The following PIEZO2 variants were observed in gnomAD, a reference collection of about 807,000 sequenced individuals.
The protein encoded by PIEZO2 is piezo-type mechanosensitive ion channel component 2.
PIEZO2 carries 172 observed loss-of-function variants against 337.3 expected under a neutral mutation model. That is an observed-to-expected ratio of 0.51 (90% CI 0.45 to 0.58). The LOEUF (loss-of-function observed/expected upper bound fraction) is 0.58, where lower values mean the gene tolerates loss of function less well. Ranked by LOEUF, PIEZO2 falls within the 20% of genes least tolerant of loss-of-function variation. PIEZO2 has a pLI of 0.00. For missense variants in PIEZO2, 3,028 were observed against 3,391.3 expected (o/e 0.89, Z 2.66); for synonymous variants, 1,251 against 1,228.5 (o/e 1.02, Z -0.38).
chr18:11,109,553 T>C lies in PIEZO2; in HGVS notation c.64+38972A>G, dbSNP rs773644934. Among the ~76,000 whole-genome samples, 1 of 151,996 alleles carries C rather than the reference T, an allele frequency of 6.6e-6. No homozygotes were observed. Among genetic ancestry groups the C allele is most frequent in the African/African-American group, 2.4e-5 (1 of 41,368 alleles). ...CAAGATGGCGAAACCCCGTCTCTACTGAAAATACAAAAAAATTAGCCGGGC... is the reference window on the plus strand; with the variant it reads ...CAAGATGGCGAAACCCCGTCTCTACCGAAAATACAAAAAAATTAGCCGGGC... On this transcript the variant is annotated intron_variant, in intron 1 of 55. Coordinates refer to ENST00000674853, the MANE Select transcript of PIEZO2 (RefSeq NM_001378183.1). This position sits in a 1 kb window ranked among gnomAD's most constrained non-coding sequence, Gnocchi z 5.1.
At chr18:10,736,069 G>A (rs76147452) in intron 34 of PIEZO2, among the ~76,000 whole-genome samples, 192 of 152,242 alleles carry the variant, frequency 1.3e-3, no homozygotes, top group Non-Finnish European at 2.4e-3. Context: ...AAACAGAAAG[G>A]TAGCTAAGCT....
intron 4 of PIEZO2, among the ~76,000 whole-genome samples, chr18:10,886,390 A>ACACACACATATATATGTGTGTGTGTGTG (rs2042597176): frequency 3.7e-5 from 2 of 53,700 alleles, no homozygotes; most frequent in African/African-American, 1.4e-4. Context: ...GTATATATAT[A>ACACACACATATATATGTGTGTGTGTGTG]TATATATATA....
At chr18:11,115,031 T>C (rs1234405022) in intron 1 of PIEZO2, among the ~76,000 whole-genome samples, 1 of 152,252 alleles carries the variant, frequency 6.6e-6, no homozygotes, top group Non-Finnish European at 1.5e-5. Flanking sequence ...CCTCTTCTTT[T>C]ATCCTGTCTC....
chr18:11,045,006 C>T (rs1371990872), intron 2 of PIEZO2, among the ~76,000 whole-genome samples: 2 of 151,756 alleles, frequency 1.3e-5, no homozygotes, highest in African/African-American at 4.8e-5. Context: ...TAAAAGAAAA[C>T]TTACTGGGGC....
intron 1 of PIEZO2, among the ~76,000 whole-genome samples, chr18:11,079,778 T>A (rs569743943): frequency 1.3e-5 from 2 of 152,226 alleles, no homozygotes; most frequent in Admixed American, 1.3e-4. Context: ...CCTCATAACC[T>A]TAAAGAAAAG....
In PIEZO2 at chr18:10,741,109, T is replaced by G; in HGVS notation, c.4637-7A>C. On this transcript the variant is annotated splice_polypyrimidine_tract_variant and splice_region_variant and intron_variant, in intron 32 of 55. Coordinates refer to ENST00000674853, the MANE Select transcript of PIEZO2 (RefSeq NM_001378183.1). ...TTCTGTTTGTCTGCTTCTCCTAAAA[T>G]AAAATACGTCCACATATTAATTCGT... is the stretch of plus-strand genomic sequence containing the variant. 6.5e-7 allele frequency: 1 copy of G among 1,533,656 alleles called. No individual in the cohort carries two copies. Among genetic ancestry groups the G allele is most frequent in the Non-Finnish European group, 8.7e-7 (1 of 1,145,430 alleles).
At chr18:10,908,041 G>T (rs775679384) in intron 4 of PIEZO2, among the ~76,000 whole-genome samples, 2 of 152,214 alleles carry the variant, frequency 1.3e-5, no homozygotes, top group African/African-American at 2.4e-5. Flanking sequence ...ATGTGATTGT[G>T]TGAAGGTGTA....
rs752802819 is a variant in PIEZO2 at position 10,702,143 on chromosome 18, T to G, written c.6287A>C (p.Gln2096Pro). The G allele has an allele frequency of 2.6e-6, 4 of 1,536,476 alleles. No homozygotes were observed. The African/African-American group carries it at 5.5e-5, about 21-fold the overall frequency. ...EVAIVVKYFFQFGFFPWNKNV... is the reference protein window; with the variant it reads ...EVAIVVKYFFPFGFFPWNKNV... Reference sequence around the variant, plus strand: ...CTTATTCCAGGGAAAGAACCCAAATTGGAAGAAATACTTGACTACAATTGC... The same window carrying G: ...CTTATTCCAGGGAAAGAACCCAAATGGGAAGAAATACTTGACTACAATTGC... Residue 2096 changes from glutamine to proline, a missense_variant, in exon 43 of 56, where the codon CAA becomes CCA. This residue lies in a region of PIEZO2 where 1,925 missense variants were observed against 2,051.9 expected (regional missense o/e 0.94). Transcript: ENST00000674853.
chr18:10,740,318 T>C (rs555363610), intron 33 of PIEZO2: 4 of 152,492 alleles, frequency 2.6e-5, no homozygotes, highest in South Asian at 4.1e-4. Flanking sequence ...TATCAGGATC[T>C]GCTTTTAAAA....
Position 11,131,458 on chromosome 18 carries a change from G to A in PIEZO2, c.64+17067C>T, listed in dbSNP as rs1042913893. Among the ~76,000 whole-genome samples, 2 of 152,188 alleles carry A rather than the reference G, an allele frequency of 1.3e-5. No individual in the cohort carries two copies. The highest frequency in any genetic ancestry group is 2.9e-5 in the Non-Finnish European group (2 of 68,040). ...AGAGAAGACTAGGGCCTGGTTCACA[G>A]ATAGTTCTGCACGATATGTAGGCAC... On this transcript the variant is annotated intron_variant, in intron 1 of 55. Coordinates refer to ENST00000674853, the MANE Select transcript of PIEZO2 (RefSeq NM_001378183.1). The surrounding 1 kb of genome is among the most constrained non-coding windows in gnomAD (Gnocchi z 5.3).
In PIEZO2 at chr18:11,127,803, A is replaced by ATGTGTGTGTGTGTG. The variant is rs34849868; in HGVS notation, c.64+20708_64+20721dup. ...TGCATATACGTGTGTGTGTGTGTGC[A>ATGTGTGTGTGTGTG]TGTGTGTGTGTGTGTGTGTGTGTAT... On this transcript the variant is annotated intron_variant, in intron 1 of 55. Coordinates refer to ENST00000674853, the MANE Select transcript of PIEZO2 (RefSeq NM_001378183.1). This position sits in a 1 kb window ranked among gnomAD's most constrained non-coding sequence, Gnocchi z 4.5. Among the ~76,000 whole-genome samples, 195 of 146,828 alleles carry ATGTGTGTGTGTGTG rather than the reference A, an allele frequency of 1.3e-3. No individual in the cohort carries two copies. The highest frequency in any genetic ancestry group is 1.7e-3 in the Non-Finnish European group (114 of 67,040).
chr18:10,887,469 C>G (rs2042640890), intron 4 of PIEZO2, among the ~76,000 whole-genome samples: 1 of 152,100 alleles, frequency 6.6e-6, no homozygotes, highest in Admixed American at 6.5e-5. Flanking sequence ...ACACCTCCCA[C>G]CAGGCTCCAC....
chr18:10,816,669 G>GA (rs36064839), intron 7 of PIEZO2, among the ~76,000 whole-genome samples: 2 of 151,384 alleles, frequency 1.3e-5, no homozygotes, highest in Non-Finnish European at 2.9e-5. Context: ...TACCCAAAAG[G>GA]AAAAAAAATT....
chr18:10,823,424 T>A (rs919336575), intron 7 of PIEZO2, among the ~76,000 whole-genome samples: 1 of 151,996 alleles, frequency 6.6e-6, no homozygotes, highest in African/African-American at 2.4e-5. Flanking sequence ...AAAGAATCAC[T>A]ACATATAGCC....
At chr18:11,041,056 A>G (rs1366889429) in intron 2 of PIEZO2, among the ~76,000 whole-genome samples, 1 of 152,162 alleles carries the variant, frequency 6.6e-6, no homozygotes, top group Non-Finnish European at 1.5e-5. Context: ...CAGGCACACA[A>G]CCTGGAAAGT....
At chr18:10,741,211 A>T (rs912815575) in intron 32 of PIEZO2, 109 bp from the exon 33 acceptor site, 1 of 930,944 alleles carries the variant, frequency 1.1e-6, no homozygotes, top group Non-Finnish European at 1.6e-6. Context: ...GCAAAAGTAT[A>T]TCAGAGGTCA....
chr18:10,736,634 ATCTTCCTTCTTTAATTCTTCC>A lies in PIEZO2; in HGVS notation c.4764_4784del (p.Glu1588_Glu1594del). The stretch of plus-strand genomic sequence containing the variant: ...ATGCTGACCTTCGTGGAGGTTCTTC[ATCTTCCTTCTTTAATTCTTCC>A]TCTTCCTCCTCTTCACTATCCGTTT... On this transcript the variant is annotated inframe_deletion, in exon 34 of 56. Coordinates refer to ENST00000674853, the MANE Select transcript of PIEZO2 (RefSeq NM_001378183.1). 1 of 1,537,146 alleles carries A rather than the reference ATCTTCCTTCTTTAATTCTTCC, an allele frequency of 6.5e-7. No homozygotes were observed.
Position 11,038,834 on chromosome 18 carries a change from T to TA in PIEZO2, c.160+27292dup, listed in dbSNP as rs2037014277. Among the ~76,000 whole-genome samples the TA allele has an allele frequency of 6.6e-6, 1 of 152,142 alleles. No homozygotes were observed. Among genetic ancestry groups the TA allele is most frequent in the African/African-American group, 2.4e-5 (1 of 41,424 alleles). ...CACAAATTAGATAACATATGAAACT[T>TA]AAAAAATCTATAAAGGGCTATGCTT... On this transcript the variant is annotated intron_variant, in intron 2 of 55. Coordinates refer to ENST00000674853, the MANE Select transcript of PIEZO2 (RefSeq NM_001378183.1). The surrounding 1 kb of genome is among the most constrained non-coding windows in gnomAD (Gnocchi z 4.1).
At position 10,716,113 on chromosome 18, in the gene PIEZO2, C is replaced by T. The variant is rs530878723; in HGVS notation, c.5090-297G>A. Among the ~76,000 whole-genome samples the T allele has an allele frequency of 6.6e-6, 1 of 152,256 alleles. No homozygotes were observed. The highest frequency in any genetic ancestry group is 2.4e-5 in the African/African-American group (1 of 41,550). Reference sequence around the variant, plus strand: ...GACCCTTGAACATGGGTTTGGACAGCGTGGATCCACTCTACGCGTGGATTG... The same window carrying T: ...GACCCTTGAACATGGGTTTGGACAGTGTGGATCCACTCTACGCGTGGATTG... On this transcript the variant is annotated intron_variant, in intron 37 of 55. Coordinates refer to ENST00000674853, the MANE Select transcript of PIEZO2 (RefSeq NM_001378183.1). The surrounding 1 kb of genome is among the most constrained non-coding windows in gnomAD (Gnocchi z 4.1).
Sources: allele counts gnomAD v4.1 joint callset (sites outside exome capture counted in the v4.1 genomes callset), GRCh38; gene constraint gnomAD v4.1.1; regional missense constraint gnomAD v4.1.1; non-coding constraint Gnocchi (gnomAD v3.1); transcripts MANE v1.5; gene names NCBI Gene and HGNC (gene_info 2026-07-23, HGNC 2026-07-21).